The following RBM10 variants were observed in gnomAD, a reference collection of about 807,000 sequenced individuals.
RBM10 encodes the protein RNA-binding protein 10.
In RBM10, 1 loss-of-function variant was observed where a neutral mutation model predicts 84.9. That is an observed-to-expected ratio of 0.01 (90% CI 0.00 to 0.06). The LOEUF (loss-of-function observed/expected upper bound fraction) is 0.06, where lower values mean the gene tolerates loss of function less well. Ranked by LOEUF, RBM10 falls within the 10% of genes least tolerant of loss-of-function variation. The pLI is 1.00. For synonymous variants in RBM10, 326 were observed against 344.5 expected (o/e 0.95, Z 0.60); for missense variants, 438 against 839.0 (o/e 0.52, Z 5.90).
rs376595614 is a variant in RBM10 at position 47,182,227 on chromosome X, C to T, written c.1851C>T (p.Pro617=). ...YWDGERRTYV[P]ALEQSADGHK... is the part of the protein sequence containing the mutation. Reference sequence around the variant, plus strand: ...ATGGGGAGAGGCGGACCTATGTTCCCGCCCTGGAGCAGTCGGCCGACGGAC... The same window carrying T: ...ATGGGGAGAGGCGGACCTATGTTCCTGCCCTGGAGCAGTCGGCCGACGGAC... The change falls in exon 17 of 24, where the codon CCC becomes CCT. Residue 617 remains proline, a synonymous_variant. Transcript: ENST00000377604. The T allele has an allele frequency of 6.4e-5, 77 of 1,210,389 alleles. No individual in the cohort carries two copies. The Admixed American group carries it at 1.1e-3, about 17-fold the overall frequency.
At chrX:47,151,595 G>A (rs1556763678) in intron 2 of RBM10, among the ~76,000 whole-genome samples, 2 of 111,784 alleles carry the variant, frequency 1.8e-5, no homozygotes, top group East Asian at 5.6e-4. Flanking sequence ...GCTGGTTGTG[G>A]CAGAAAGTCC....
chrX:47,181,253 G>A lies in RBM10; in HGVS notation c.1287G>A (p.Glu429=), dbSNP rs782719357. The A allele has an allele frequency of 8.6e-7, 1 of 1,168,584 alleles. No individual in the cohort carries two copies. Residue 429 remains glutamate (E), a synonymous_variant, in exon 13 of 24, where the codon GAG becomes GAA. Transcript: ENST00000377604. ...QGGEGTWATS[E]EPPVDYSYYQ... ...GGGAGGGTACCTGGGCCACCTCCGA[G>A]GAGCCGCCGGTCGACTACAGCTACT...
chrX:47,168,802 G>A (rs1318136204), intron 2 of RBM10, among the ~76,000 whole-genome samples: 8 of 110,956 alleles, frequency 7.2e-5, no homozygotes, highest in African/African-American at 2.6e-4. Context: ...AGTGAGATGG[G>A]TTTGAGTGGC....
chrX:47,154,913 C>T (rs982912911), intron 2 of RBM10, among the ~76,000 whole-genome samples: 6 of 107,668 alleles, frequency 5.6e-5, no homozygotes, highest in East Asian at 3.0e-4. Context: ...TTTGGGAGGC[C>T]GAGGCGGGTG....
rs2147134347 is a variant in RBM10, at chrX:47,171,010, T to C, written c.202-18T>C. On this transcript the variant is annotated intron_variant, in intron 3 of 23. Coordinates refer to ENST00000377604, the MANE Select transcript of RBM10 (RefSeq NM_005676.5). ...CTGACTGCCCGTCTGGTGTCACTCA[T>C]CTCATTCTGTCGGCCAGGATTCCTA... The C allele has an allele frequency of 8.3e-7, 1 of 1,206,056 alleles. No individual in the cohort carries two copies. The highest frequency in any genetic ancestry group is 1.1e-6 in the Non-Finnish European group (1 of 890,971).
intron 2 of RBM10, among the ~76,000 whole-genome samples, chrX:47,153,425 A>AT (rs1230466738): frequency 2.3e-4 from 24 of 103,783 alleles, no homozygotes; most frequent in Middle Eastern, 5.2e-3. Flanking sequence ...TGACCTTGTC[A>AT]TTTTTTTTTT....
intron 5 of RBM10, among the ~76,000 whole-genome samples, chrX:47,174,567 C>T (rs2147148088): frequency 8.9e-6 from 1 of 111,945 alleles, no homozygotes; most frequent in South Asian, 3.7e-4. Flanking sequence ...GCACCCCTGG[C>T]CTTGAGCTGG....
In RBM10 at chrX:47,185,748, G is replaced by C. The variant is rs2147219951; in HGVS notation, c.2388G>C (p.Leu796Phe). 1 of 1,211,811 alleles carries C rather than the reference G, an allele frequency of 8.3e-7. No individual in the cohort carries two copies. The highest frequency in any genetic ancestry group is 1.1e-6 in the Non-Finnish European group (1 of 895,455). The change falls in exon 21 of 24, where the codon TTG becomes TTC. Residue 796 changes from leucine to phenylalanine, a missense_variant. Physicochemically the swap from Leu to Phe is conservative, Grantham distance 22. Around this residue, in one of 8 missense-constraint regions of RBM10, gnomAD observed 92 missense variants for 199.9 expected, o/e 0.46. Transcript: ENST00000377604. Reference protein sequence around the residue: ...QNLEIHRRAHLSENELEALEK... With the variant: ...QNLEIHRRAHFSENELEALEK... The stretch of plus-strand genomic sequence containing the variant: ...TTGAGATTCACCGGCGAGCCCACTT[G>C]TCAGAAAACGAGCTAGAAGCACTAG...
intron 2 of RBM10, among the ~76,000 whole-genome samples, chrX:47,154,488 G>A (rs782783455): frequency 2.8e-5 from 3 of 105,867 alleles, no homozygotes; most frequent in Non-Finnish European, 5.8e-5. Flanking sequence ...GTCTCACTCT[G>A]TCTTCCAGGC....
intron 2 of RBM10, among the ~76,000 whole-genome samples, chrX:47,150,621 T>C (rs782739852): frequency 8.9e-6 from 1 of 112,286 alleles, no homozygotes; most frequent in South Asian, 3.7e-4. Context: ...TCTTTATTGA[T>C]CTGTGGTACC....
At chrX:47,174,401 C>T (rs192487836) in intron 5 of RBM10, among the ~76,000 whole-genome samples, 10 of 111,667 alleles carry the variant, frequency 9.0e-5, no homozygotes, top group Non-Finnish European at 3.8e-5. Context: ...TAGCGAGGCC[C>T]GCCTCCCCTG....
At chrX:47,160,651 A>G (rs1010568533) in intron 2 of RBM10, among the ~76,000 whole-genome samples, 1 of 111,710 alleles carries the variant, frequency 9.0e-6, no homozygotes, top group Non-Finnish European at 1.9e-5. Flanking sequence ...GTTGGTGGGA[A>G]TGCAAACTAG....
At chrX:47,159,348 C>T (rs1556766143) in intron 2 of RBM10, among the ~76,000 whole-genome samples, 2 of 100,745 alleles carry the variant, frequency 2.0e-5, no homozygotes, top group African/African-American at 7.5e-5. Context: ...GTGGAGGTTG[C>T]GGTGAGCCGA....
At chrX:47,167,443 A>G (rs1337480799) in intron 2 of RBM10, among the ~76,000 whole-genome samples, 7 of 104,088 alleles carry the variant, frequency 6.7e-5, no homozygotes, top group Non-Finnish European at 9.8e-5. Flanking sequence ...GGCTCACCGC[A>G]GCCTCCGCCT....
At chrX:47,148,268 C>T (rs781984634) in intron 2 of RBM10, among the ~76,000 whole-genome samples, 1 of 112,437 alleles carries the variant, frequency 8.9e-6, no homozygotes, top group South Asian at 3.6e-4. Context: ...AAGGTCATCA[C>T]CTAGTGTTAT....
intron 2 of RBM10, among the ~76,000 whole-genome samples, chrX:47,150,415 G>C (rs566439117): frequency 9.0e-6 from 1 of 111,645 alleles, no homozygotes; most frequent in African/African-American, 3.3e-5. Flanking sequence ...TGATCCACCC[G>C]CCTTGGCCTC....
intron 6 of RBM10, 135 bp downstream of exon 6, chrX:47,175,227 C>T (rs1556775599): frequency 7.2e-5 from 36 of 499,218 alleles, no homozygotes; most frequent in South Asian, 6.0e-4. Flanking sequence ...CCTCTCTCCC[C>T]TTCCTGACCC....
intron 2 of RBM10, chrX:47,157,587 G>C: frequency 2.2e-6 from 1 of 463,898 alleles, no homozygotes. Context: ...GTCGAGCAGG[G>C]TTCTGACGGC....
intron 17 of RBM10, among the ~76,000 whole-genome samples, chrX:47,183,601 G>C (rs1935692548): frequency 9.0e-6 from 1 of 111,048 alleles, no homozygotes; most frequent in Admixed American, 9.6e-5. Context: ...TAATGGGTAT[G>C]ATGTACATTA....
Sources: allele counts gnomAD v4.1 joint callset (sites outside exome capture counted in the v4.1 genomes callset), GRCh38; gene constraint gnomAD v4.1.1; regional missense constraint gnomAD v4.1.1; transcripts MANE v1.5; gene names NCBI Gene and HGNC (gene_info 2026-07-23, HGNC 2026-07-21).